The following ALG8 variants were observed in gnomAD, a reference collection of about 807,000 sequenced individuals.
ALG8 encodes dolichyl pyrophosphate Glc1Man9GlcNAc2 alpha-1,3-glucosyltransferase.
Under a neutral mutation model 70.2 loss-of-function variants are expected in ALG8, and 48 were observed. That is an observed-to-expected ratio of 0.68 (90% CI 0.54 to 0.87). The LOEUF (loss-of-function observed/expected upper bound fraction) is 0.87, where lower values mean the gene tolerates loss of function less well. Among genes scored for constraint, ALG8 ranks in the 40% least tolerant of loss-of-function variants. The pLI, the probability that ALG8 is intolerant of heterozygous loss-of-function variation, is 0.00. For synonymous variants in ALG8, 234 were observed against 229.0 expected (o/e 1.02, Z -0.20); for missense variants, 572 against 608.7 (o/e 0.94, Z 0.64).
At chr11:78,125,094 GC>G (rs751214118) in intron 2 of ALG8, among the ~76,000 whole-genome samples, 7 of 151,194 alleles carry the variant, frequency 4.6e-5, no homozygotes. Flanking sequence ...GTGCAGTGGC[GC>G]GATCTTGGCT....
chr11:78,116,948 G>C (rs558537448), intron 5 of ALG8, among the ~76,000 whole-genome samples: 2 of 152,140 alleles, frequency 1.3e-5, no homozygotes, highest in South Asian at 4.2e-4. Context: ...TTAAGATCTG[G>C]GTAAGGTCTA....
At chr11:78,130,109 C>T (rs906871644) in intron 1 of ALG8, among the ~76,000 whole-genome samples, 6 of 152,040 alleles carry the variant, frequency 3.9e-5, no homozygotes, top group African/African-American at 2.4e-5. Context: ...CCCAACACTT[C>T]GGGAGGCCAA....
intron 1 of ALG8, among the ~76,000 whole-genome samples, chr11:78,134,350 C>T (rs965501973): frequency 7.9e-5 from 12 of 152,054 alleles, no homozygotes; most frequent in African/African-American, 2.4e-4. Flanking sequence ...GTTGGCCAGG[C>T]GGGTCTTGAA....
intron 1 of ALG8, among the ~76,000 whole-genome samples, chr11:78,129,807 T>C (rs1364281445): frequency 6.6e-6 from 1 of 152,166 alleles, no homozygotes; most frequent in East Asian, 1.9e-4. Context: ...ACAGCCCACA[T>C]AAACATATAG....
At position 78,112,714 on chromosome 11, in the gene ALG8, A is replaced by G; in HGVS notation, c.834T>C (p.His278=). The stretch of plus-strand genomic sequence containing the variant: ...CCCAGAAGTTTGGAGCCCAATATGC[A>G]TGACAGAGGCCCCTCTTGAAAGGAA... The part of the protein sequence containing the change: ...RLFPFKRGLC[H]AYWAPNFWAL... Residue 278 remains histidine (H), a synonymous_variant, in exon 8 of 13, where the codon CAT becomes CAC. Coordinates refer to ENST00000299626, the MANE Select transcript of ALG8 (RefSeq NM_024079.5). 6.2e-7 allele frequency: 1 copy of G among 1,614,110 alleles called. No homozygotes were observed. The highest frequency in any genetic ancestry group is 8.5e-7 in the Non-Finnish European group (1 of 1,179,956).
At chr11:78,117,611 C>CAAAAA (rs55823839) in intron 5 of ALG8, among the ~76,000 whole-genome samples, 38 of 128,572 alleles carry the variant, frequency 3.0e-4, no homozygotes, top group African/African-American at 1.0e-3. Context: ...CCTTCTCTAC[C>CAAAAA]AAAAAAAAAA....
intron 5 of ALG8, among the ~76,000 whole-genome samples, chr11:78,116,203 T>C (rs1015322876): frequency 2.6e-5 from 4 of 151,610 alleles, no homozygotes; most frequent in African/African-American, 4.9e-5. Flanking sequence ...CTACTAAAAA[T>C]ACAAAAAATT....
At chr11:78,107,719 G>A in intron 9 of ALG8, 1 of 229,152 alleles carries the variant, frequency 4.4e-6, no homozygotes, top group South Asian at 4.9e-5. Context: ...GTACATACCT[G>A]TATTCCCAGG....
chr11:78,128,490 A>G (rs1474584284), intron 1 of ALG8, among the ~76,000 whole-genome samples: 2 of 152,076 alleles, frequency 1.3e-5, no homozygotes, highest in African/African-American at 4.8e-5. Context: ...CATCAGGGAC[A>G]TGTTGATATT....
intron 1 of ALG8, among the ~76,000 whole-genome samples, chr11:78,138,168 G>A (rs550006265): frequency 1.0e-3 from 152 of 152,128 alleles, no homozygotes; most frequent in Non-Finnish European, 1.5e-3. Flanking sequence ...CGCCATCATG[G>A]TGAAACCCCA....
intron 8 of ALG8, among the ~76,000 whole-genome samples, chr11:78,111,416 A>G (rs1860284987): frequency 1.3e-5 from 2 of 152,196 alleles, no homozygotes; most frequent in Admixed American, 1.3e-4. Context: ...GGAAAGTTAG[A>G]CGAAAGGAAG....
At chr11:78,109,616 A>G (rs1446569900) in intron 8 of ALG8, 35 bp from the exon 9 acceptor site, 2 of 1,581,368 alleles carry the variant, frequency 1.3e-6, no homozygotes, top group East Asian at 2.2e-5. Context: ...TTTTATTTTT[A>G]TCTTTATTAC....
intron 5 of ALG8, among the ~76,000 whole-genome samples, chr11:78,115,185 A>C (rs1399027702): frequency 6.6e-6 from 1 of 152,102 alleles, no homozygotes; most frequent in East Asian, 1.9e-4. Flanking sequence ...GGCGTGTGCC[A>C]ACACACCCGG....
chr11:78,109,970 A>G (rs994311415), intron 8 of ALG8, among the ~76,000 whole-genome samples: 41 of 152,176 alleles, frequency 2.7e-4, no homozygotes, highest in African/African-American at 9.7e-4. Flanking sequence ...AGTGTCTTCC[A>G]TGATCTCATC....
rs58192107 is a variant in ALG8 at position 78,115,350 on chromosome 11, T to C, written c.547-958A>G. ...TGCTTGGCCCAAGGTAAATATTCTA[T>C]AACCAGTATAAGGAAAACATAGGCA... is the stretch of plus-strand genomic sequence containing the variant. On this transcript the variant is annotated intron_variant, in intron 5 of 12. Transcript: ENST00000299626. 6.9e-3 allele frequency among the ~76,000 whole-genome samples: 1,042 copies of C among 151,986 alleles called. 7 individuals are homozygous for C. The highest frequency in any genetic ancestry group is 0.024 in the African/African-American group (1,006 of 41,444).
chr11:78,121,611 C>T lies in ALG8; in HGVS notation c.369-437G>A, dbSNP rs554271206. On this transcript the variant is annotated intron_variant, in intron 3 of 12. Coordinates refer to ENST00000299626, the MANE Select transcript of ALG8 (RefSeq NM_024079.5). ...CAAACAAGGACCTCGGGGCCTGTTC[C>T]ACGTCTTTTTCTAAGCTGTGCTGAT... is the stretch of plus-strand genomic sequence containing the variant. Among the ~76,000 whole-genome samples the T allele has an allele frequency of 5.7e-3, 866 of 151,424 alleles. 5 individuals carry two copies. The highest frequency in any genetic ancestry group is 0.028 in the Middle Eastern group (8 of 290).
Position 78,114,321 on chromosome 11 carries a change from T to C in ALG8, c.618A>G (p.Ala206=), listed in dbSNP as rs1565350681. The C allele has an allele frequency of 6.2e-7, 1 of 1,614,112 alleles. No individual in the cohort carries two copies. Residue 206 remains alanine (A), a synonymous_variant, in exon 6 of 13, where the codon GCA becomes GCG. Transcript: ENST00000299626. ...GCAGCAGATATACACCATAAGCTGGTGCTACATAGAGGTAGATATGCTTGA... is the reference window on the plus strand; with the variant it reads ...GCAGCAGATATACACCATAAGCTGGCGCTACATAGAGGTAGATATGCTTGA... ...LHFKHIYLYV[A]PAYGVYLLRS...
chr11:78,127,060 AC>A (rs1861111410), intron 2 of ALG8, among the ~76,000 whole-genome samples: 2 of 151,278 alleles, frequency 1.3e-5, no homozygotes, highest in African/African-American at 4.9e-5. Flanking sequence ...GCTCACTGCA[AC>A]CTCCGCCTCC....
At chr11:78,116,654 G>A (rs1391036559) in intron 5 of ALG8, among the ~76,000 whole-genome samples, 1 of 151,560 alleles carries the variant, frequency 6.6e-6, no homozygotes, top group Non-Finnish European at 1.5e-5. Context: ...GGAGGTTGAG[G>A]TTACAGTGTG....
Sources: gnomAD v4.1 joint callset for allele counts (sites outside exome capture counted in the v4.1 genomes callset) on GRCh38, gnomAD v4.1.1 for gene constraint, MANE v1.5 for transcripts, NCBI Gene and HGNC (gene_info 2026-07-23, HGNC 2026-07-21) for gene names.